GPC6: variants seen among roughly 807,000 people sequenced by gnomAD.
GPC6 encodes glypican-6.
GPC6 carries 14 observed loss-of-function variants against 55.2 expected under a neutral mutation model. The observed-to-expected ratio is 0.25, with a 90% CI of 0.17 to 0.40. The LOEUF (loss-of-function observed/expected upper bound fraction) is 0.40. Among genes scored for constraint, GPC6 ranks in the 10% least tolerant of loss-of-function variants. GPC6 has a pLI of 1.00. For synonymous variants in GPC6, 278 were observed against 259.6 expected (o/e 1.07, Z -0.68); for missense variants, 641 against 708.5 (o/e 0.90, Z 1.08).
intron 6 of GPC6, among the ~76,000 whole-genome samples, chr13:94,339,910 T>C (rs61962186): frequency 0.02 from 3,099 of 151,954 alleles, 36 homozygotes; most frequent in Non-Finnish European, 0.031. Flanking sequence ...ATTACAGGCA[T>C]GCACCACCAC....
intron 4 of GPC6, among the ~76,000 whole-genome samples, chr13:94,181,668 C>G (rs981811633): frequency 6.6e-6 from 1 of 152,170 alleles, no homozygotes; most frequent in African/African-American, 2.4e-5. Flanking sequence ...ACAATCTTTG[C>G]ACTTTGCCAC....
At chr13:93,347,664 T>C (rs1293119540) in intron 1 of GPC6, among the ~76,000 whole-genome samples, 1 of 152,226 alleles carries the variant, frequency 6.6e-6, no homozygotes. Flanking sequence ...CACTTGCTAC[T>C]GTAGAATTCT....
At chr13:93,403,800 A>T (rs193285808) in intron 1 of GPC6, among the ~76,000 whole-genome samples, 105 of 152,000 alleles carry the variant, frequency 6.9e-4, no homozygotes, top group African/African-American at 2.3e-3. Context: ...CTCTCTCCAG[A>T]GTTTGTCATT....
intron 7 of GPC6, among the ~76,000 whole-genome samples, chr13:94,387,992 G>C (rs1275726567): frequency 6.6e-6 from 1 of 152,178 alleles, no homozygotes; most frequent in Non-Finnish European, 1.5e-5. Flanking sequence ...TTTCTAACAA[G>C]CTTTTAGGTG....
chr13:93,468,530 AT>A (rs1239551158), intron 1 of GPC6, among the ~76,000 whole-genome samples: 2 of 144,924 alleles, frequency 1.4e-5, no homozygotes, highest in Non-Finnish European at 3.1e-5. Flanking sequence ...TTTAAAAAAT[AT>A]TTTTAAGAGT....
chr13:94,099,464 A>C (rs1168820232), intron 4 of GPC6, among the ~76,000 whole-genome samples: 1 of 152,136 alleles, frequency 6.6e-6, no homozygotes, highest in Non-Finnish European at 1.5e-5. Flanking sequence ...TGTATATAGG[A>C]GACTCTATTT....
intron 2 of GPC6, among the ~76,000 whole-genome samples, chr13:93,636,632 G>T (rs538579251): frequency 6.6e-6 from 1 of 152,198 alleles, no homozygotes; most frequent in African/African-American, 2.4e-5. Context: ...TGTTCTTTCT[G>T]TCTGCCACAA....
At chr13:94,190,458 A>C (rs1285725336) in intron 4 of GPC6, among the ~76,000 whole-genome samples, 1 of 152,214 alleles carries the variant, frequency 6.6e-6, no homozygotes, top group African/African-American at 2.4e-5. Context: ...GGCACACCAA[A>C]TGATCCATCA....
intron 2 of GPC6, among the ~76,000 whole-genome samples, chr13:93,752,887 G>A (rs1884644820): frequency 6.6e-6 from 1 of 152,188 alleles, no homozygotes; most frequent in Non-Finnish European, 1.5e-5. Context: ...ATGATCAGAT[G>A]GATTCAGCGG....
At chr13:93,597,007 C>CAAAAAAAAAAA (rs10709473) in intron 2 of GPC6, among the ~76,000 whole-genome samples, 95 of 67,934 alleles carry the variant, frequency 1.4e-3, no homozygotes, top group South Asian at 3.6e-3. Context: ...TCAAATCTGG[C>CAAAAAAAAAAA]AAAAAAAAAA....
chr13:93,646,877 A>C (rs1880196743), intron 2 of GPC6, among the ~76,000 whole-genome samples: 1 of 152,174 alleles, frequency 6.6e-6, no homozygotes, highest in African/African-American at 2.4e-5. Flanking sequence ...AAAACAAAAA[A>C]AACAAACTTG....
At chr13:94,177,655 T>C (rs1999535) in intron 4 of GPC6, among the ~76,000 whole-genome samples, 6,454 of 152,264 alleles carry the variant, frequency 0.042, 162 homozygotes, top group South Asian at 0.064. Context: ...CAATTTCATA[T>C]GTTTGGACTA....
intron 4 of GPC6, among the ~76,000 whole-genome samples, chr13:94,062,465 G>T (rs1240621154): frequency 6.6e-6 from 1 of 152,012 alleles, no homozygotes; most frequent in Admixed American, 6.5e-5. Flanking sequence ...TAGCCAAGCT[G>T]GTCTCGAACT....
At chr13:94,079,977 G>A (rs1263598738) in intron 4 of GPC6, among the ~76,000 whole-genome samples, 2 of 152,134 alleles carry the variant, frequency 1.3e-5, no homozygotes, top group Non-Finnish European at 2.9e-5. Context: ...TGTCCTGATG[G>A]TTTTTGTTAT....
At chr13:94,169,568 C>T (rs752231013) in intron 4 of GPC6, among the ~76,000 whole-genome samples, 1 of 151,968 alleles carries the variant, frequency 6.6e-6, no homozygotes, top group South Asian at 2.1e-4. Flanking sequence ...GAAAACATAC[C>T]GAGCCAGAAA....
chr13:94,067,600 TAG>T (rs1594709458), intron 4 of GPC6, among the ~76,000 whole-genome samples: 1 of 151,310 alleles, frequency 6.6e-6, no homozygotes, highest in East Asian at 1.9e-4. Context: ...GATAGATAGA[TAG>T]ATAGATAGAT....
At chr13:94,037,247 T>A (rs1883370260) in intron 4 of GPC6, among the ~76,000 whole-genome samples, 1 of 151,924 alleles carries the variant, frequency 6.6e-6, no homozygotes, top group Non-Finnish European at 1.5e-5. Context: ...TTCAATTAAA[T>A]CCCTGTGGCT....
chr13:93,318,949 A>G (rs1213291544), intron 1 of GPC6, among the ~76,000 whole-genome samples: 5 of 152,170 alleles, frequency 3.3e-5, no homozygotes. Flanking sequence ...AATGAGGTTT[A>G]TTCTATGGAG....
At chr13:94,243,276 A>C (rs1172691768) in intron 4 of GPC6, among the ~76,000 whole-genome samples, 1 of 152,134 alleles carries the variant, frequency 6.6e-6, no homozygotes, top group Non-Finnish European at 1.5e-5. Flanking sequence ...TTACATCTAC[A>C]AATCTGCCAC....
Sources: gnomAD v4.1 joint callset for allele counts (sites outside exome capture counted in the v4.1 genomes callset) on GRCh38, gnomAD v4.1.1 for gene constraint, MANE v1.5 for transcripts, NCBI Gene and HGNC (gene_info 2026-07-23, HGNC 2026-07-21) for gene names.